USP10: variants seen among roughly 807,000 people sequenced by gnomAD.
The protein encoded by USP10 is ubiquitin carboxyl-terminal hydrolase 10.
A neutral mutation model predicts 84.5 loss-of-function variants in USP10; 22 were observed. The ratio of observed to expected loss-of-function variants is 0.26; its 90% confidence interval spans 0.19 to 0.37. The LOEUF (loss-of-function observed/expected upper bound fraction) is 0.37, where lower values mean the gene tolerates loss of function less well. Among genes scored for constraint, USP10 ranks in the 10% least tolerant of loss-of-function variants. USP10 has a pLI of 1.00. For missense variants in USP10, 1,019 were observed against 998.9 expected (o/e 1.02, Z -0.27); for synonymous variants, 454 against 387.6 (o/e 1.17, Z -2.01).
At chr16:84,766,865 T>C (rs1394861125) in intron 10 of USP10, among the ~76,000 whole-genome samples, 1 of 152,212 alleles carries the variant, frequency 6.6e-6, no homozygotes, top group East Asian at 1.9e-4. Context: ...AGCATGATTC[T>C]TTATTCACAC....
intron 3 of USP10, among the ~76,000 whole-genome samples, chr16:84,743,926 G>A (rs529507816): frequency 4.6e-5 from 7 of 152,298 alleles, no homozygotes; most frequent in South Asian, 2.1e-4. Flanking sequence ...TTTAGAGGAC[G>A]TTTGCATGTG....
intron 1 of USP10, chr16:84,732,437 TC>T: frequency 2.5e-6 from 1 of 406,934 alleles, no homozygotes; most frequent in South Asian, 1.8e-5. Flanking sequence ...AATGACTTCT[TC>T]TTCTTCTTTT....
chr16:84,718,857 G>A (rs112739598), intron 1 of USP10, among the ~76,000 whole-genome samples: 17,572 of 151,548 alleles, frequency 0.12, 1,889 homozygotes, highest in African/African-American at 0.29. Context: ...CAGTGGTGCA[G>A]TCTCAGCTCA....
intron 8 of USP10, among the ~76,000 whole-genome samples, chr16:84,761,778 T>C (rs1224829717): frequency 1.3e-5 from 2 of 152,280 alleles, no homozygotes; most frequent in East Asian, 3.8e-4. Flanking sequence ...ATTGGACCGA[T>C]GGGAACCTTT....
intron 1 of USP10, among the ~76,000 whole-genome samples, chr16:84,705,902 A>G (rs908322914): frequency 6.6e-6 from 1 of 151,584 alleles, no homozygotes; most frequent in Middle Eastern, 3.4e-3. Flanking sequence ...TTGTATTTTT[A>G]GTAGAAACGG....
At chr16:84,755,099 G>A (rs1220046129) in intron 4 of USP10, among the ~76,000 whole-genome samples, 1 of 151,582 alleles carries the variant, frequency 6.6e-6, no homozygotes, top group Non-Finnish European at 1.5e-5. Flanking sequence ...CATAAAGCGT[G>A]TTTTTGAGTC....
intron 13 of USP10, among the ~76,000 whole-genome samples, 162 bp downstream of exon 13, chr16:84,775,387 C>T (rs2150876660): frequency 6.6e-6 from 1 of 152,312 alleles, no homozygotes; most frequent in Non-Finnish European, 1.5e-5. Flanking sequence ...TTACCTGAAA[C>T]TCTGCGTAGA....
intron 2 of USP10, among the ~76,000 whole-genome samples, chr16:84,735,604 C>CCGATAA (rs1477159734): frequency 6.6e-6 from 1 of 152,030 alleles, no homozygotes; most frequent in Non-Finnish European, 1.5e-5. Flanking sequence ...AATGTATGGT[C>CCGATAA]CGATAACTAG....
At chr16:84,720,605 G>A (rs1046520030) in intron 1 of USP10, among the ~76,000 whole-genome samples, 1 of 54,476 alleles carries the variant, frequency 1.8e-5, no homozygotes, top group Admixed American at 1.9e-4. Context: ...TTTTTGAGAT[G>A]GAGCCTCGCT....
In USP10 at chr16:84,744,696, C is replaced by T. The variant is rs572426616; in HGVS notation, c.215C>T (p.Pro72Leu). 31 of 1,613,522 alleles carry T rather than the reference C, an allele frequency of 1.9e-5. No individual in the cohort carries two copies. The highest frequency in any genetic ancestry group is 1.2e-4 in the African/African-American group (9 of 74,932). Reference protein sequence around the residue: ...DEVIEPSDTLPRTPSYSISST... With the variant: ...DEVIEPSDTLLRTPSYSISST... ...GTCATTGAACCCAGTGACACTTTGC[C>T]GAGAACCCCCAGCTACAGTATTTCA... Residue 72 changes from proline (P) to leucine (L), a missense_variant, in exon 4 of 14, where the codon CCG becomes CTG. Transcript: ENST00000219473.
At chr16:84,717,638 A>AG (rs1907219636) in intron 1 of USP10, among the ~76,000 whole-genome samples, 1 of 152,150 alleles carries the variant, frequency 6.6e-6, no homozygotes, top group Non-Finnish European at 1.5e-5. Flanking sequence ...GCCACTACCT[A>AG]GGTTATTGCA....
At chr16:84,727,715 C>T (rs376885391) in intron 1 of USP10, among the ~76,000 whole-genome samples, 2 of 152,284 alleles carry the variant, frequency 1.3e-5, no homozygotes, top group African/African-American at 4.8e-5. Context: ...TACAGACATA[C>T]AATATTTTTC....
In USP10 at chr16:84,764,192, C is replaced by T. The variant is rs370866289; in HGVS notation, c.1761C>T (p.Asn587=). The T allele has an allele frequency of 5.6e-6, 9 of 1,613,930 alleles. No individual in the cohort carries two copies. The highest frequency in any genetic ancestry group is 6.8e-6 in the Non-Finnish European group (8 of 1,179,888). Residue 587 remains asparagine, a synonymous_variant, in exon 10 of 14, where the codon AAC becomes AAT. Transcript: ENST00000219473. ...EDEWEQVGPR[N]KTSVTRQADF... Reference sequence around the variant, plus strand: ...AATGGGAACAAGTGGGCCCCCGGAACAAGACTTCCGTCACCCGCCAGGCGG... The same window carrying T: ...AATGGGAACAAGTGGGCCCCCGGAATAAGACTTCCGTCACCCGCCAGGCGG...
chr16:84,773,460 T>G (rs1334704512), intron 12 of USP10, among the ~76,000 whole-genome samples: 3 of 152,078 alleles, frequency 2.0e-5, no homozygotes, highest in Non-Finnish European at 2.9e-5. Flanking sequence ...TCCTTCCATA[T>G]AGATGACCCA....
intron 2 of USP10, among the ~76,000 whole-genome samples, chr16:84,734,633 C>G (rs1466613590): frequency 6.6e-6 from 1 of 152,162 alleles, no homozygotes; most frequent in African/African-American, 2.4e-5. Context: ...ACACTTTCAA[C>G]TTTAATGTCA....
rs180986276 is a variant in USP10, at chr16:84,754,485, C to G, written c.1193-4231C>G. On this transcript the variant is annotated intron_variant, in intron 4 of 13. Coordinates refer to ENST00000219473, the MANE Select transcript of USP10 (RefSeq NM_005153.3). ...TTTCCTAGTACACGTCCCAAGGGCC[C>G]GTACGTATGTTCTGCTGTTGCAGAG... Among the ~76,000 whole-genome samples, 9 of 152,212 alleles carry G rather than the reference C, an allele frequency of 5.9e-5. No individual in the cohort carries two copies. The East Asian group carries it at 1.4e-3, about 23-fold the overall frequency.
chr16:84,753,756 C>T (rs1033180353), intron 4 of USP10, among the ~76,000 whole-genome samples: 2 of 152,158 alleles, frequency 1.3e-5, no homozygotes, highest in African/African-American at 4.8e-5. Flanking sequence ...AGTCATTTGC[C>T]GTAACCAACA....
At chr16:84,768,813 T>C (rs920600026) in intron 11 of USP10, among the ~76,000 whole-genome samples, 14 of 152,190 alleles carry the variant, frequency 9.2e-5, no homozygotes, top group African/African-American at 3.4e-4. Context: ...TCATTGTAAA[T>C]ATAATATAGT....
At chr16:84,730,259 A>G (rs906789716) in intron 1 of USP10, among the ~76,000 whole-genome samples, 1 of 152,202 alleles carries the variant, frequency 6.6e-6, no homozygotes. Context: ...GTTATTATAT[A>G]GCAACACAGA....
Sources: allele counts gnomAD v4.1 joint callset (sites outside exome capture counted in the v4.1 genomes callset), GRCh38; gene constraint gnomAD v4.1.1; transcripts MANE v1.5; gene names NCBI Gene and HGNC (gene_info 2026-07-23, HGNC 2026-07-21).